ATF6: variants seen among roughly 807,000 people sequenced by gnomAD.
The protein encoded by ATF6 is cyclic AMP-dependent transcription factor ATF-6 alpha.
ATF6 carries 53 observed loss-of-function variants against 83.6 expected under a neutral mutation model. The ratio of observed to expected loss-of-function variants is 0.63; its 90% CI spans 0.51 to 0.80. The LOEUF is 0.80. Ranked by LOEUF, ATF6 falls within the 30% of genes least tolerant of loss-of-function variation. The pLI is 0.00. For synonymous variants in ATF6, 288 were observed against 285.8 expected, an observed-to-expected ratio of 1.01 and a Z score of -0.08; for missense variants, 744 against 797.9, an observed-to-expected ratio of 0.93 and a Z score of 0.81.
intron 15 of ATF6, among the ~76,000 whole-genome samples, chr1:161,931,555 A>T (rs1429273902): frequency 2.2e-5 from 3 of 137,366 alleles, no homozygotes; most frequent in Non-Finnish European, 4.9e-5. Context: ...TTTTTAGTAC[A>T]ATTTTAGAAC....
intron 6 of ATF6, among the ~76,000 whole-genome samples, chr1:161,800,943 T>C (rs1234794551): frequency 1.3e-5 from 2 of 152,236 alleles, no homozygotes; most frequent in East Asian, 3.8e-4. Context: ...ACTAGGCCCA[T>C]CACACATTTT....
chr1:161,906,069 A>G (rs1571227768), intron 14 of ATF6, among the ~76,000 whole-genome samples: 1 of 152,204 alleles, frequency 6.6e-6, no homozygotes, highest in East Asian at 1.9e-4. Context: ...TCCTGACCTC[A>G]TGATCCATCT....
rs1684642042 is a variant in ATF6, at chr1:161,781,981, A to G, written c.229A>G (p.Asn77Asp). Residue 77 changes from asparagine to aspartate, a missense_variant, in exon 3 of 16, where the codon AAC (asparagine) becomes GAC (aspartate). Coordinates refer to ENST00000367942, the MANE Select transcript of ATF6 (RefSeq NM_007348.4). ...MPWESDIWDINNQICTVKDIK... is the reference protein window; with the variant it reads ...MPWESDIWDIDNQICTVKDIK... ...TTGGGAGTCAGACATTTGGGACATC[A>G]ACAACCAAATCTGTACAGGTAATTA... The G allele has an allele frequency of 1.2e-6, 2 of 1,608,336 alleles. No homozygotes were observed. The highest frequency in any genetic ancestry group is 1.7e-6 in the Non-Finnish European group (2 of 1,176,056).
chr1:161,857,817 G>C (rs184295122), intron 12 of ATF6, among the ~76,000 whole-genome samples: 2 of 152,238 alleles, frequency 1.3e-5, no homozygotes, highest in African/African-American at 4.8e-5. Flanking sequence ...GAACACAAGG[G>C]GGGGAGGGAT....
intron 15 of ATF6, among the ~76,000 whole-genome samples, chr1:161,914,186 T>C (rs1427916136): frequency 2.0e-5 from 3 of 152,222 alleles, no homozygotes; most frequent in African/African-American, 7.2e-5. Context: ...TCAAGTACCA[T>C]GCTACATCCT....
intron 9 of ATF6, among the ~76,000 whole-genome samples, chr1:161,832,399 A>G (rs1686086819): frequency 6.6e-6 from 1 of 152,136 alleles, no homozygotes; most frequent in Admixed American, 6.5e-5. Flanking sequence ...GGAGTGCCAG[A>G]CAGTGGGTGC....
At chr1:161,788,763 A>AT (rs1194180830) in intron 4 of ATF6, among the ~76,000 whole-genome samples, 1 of 151,946 alleles carries the variant, frequency 6.6e-6, no homozygotes. Context: ...TCTAATTTTA[A>AT]TTTTCTCTAT....
intron 1 of ATF6, among the ~76,000 whole-genome samples, chr1:161,777,098 T>C (rs1315294591): frequency 6.6e-6 from 1 of 152,204 alleles, no homozygotes; most frequent in Non-Finnish European, 1.5e-5. Context: ...GAGTTTACCA[T>C]TGAATTTAGC....
intron 15 of ATF6, among the ~76,000 whole-genome samples, chr1:161,941,367 T>C (rs138196794): frequency 8.6e-4 from 131 of 152,380 alleles, no homozygotes; most frequent in African/African-American, 3.0e-3. Context: ...GGTAGCTTTG[T>C]GTGTTTGAAG....
intron 15 of ATF6, among the ~76,000 whole-genome samples, chr1:161,938,368 A>T (rs951999847): frequency 6.6e-6 from 1 of 152,234 alleles, no homozygotes; most frequent in Non-Finnish European, 1.5e-5. Context: ...TAAATGGAGT[A>T]TTGTGTGTGA....
intron 2 of ATF6, among the ~76,000 whole-genome samples, chr1:161,780,167 A>G (rs1684602118): frequency 6.6e-6 from 1 of 152,020 alleles, no homozygotes; most frequent in Non-Finnish European, 1.5e-5. Flanking sequence ...TGTTCTCTTT[A>G]TGTACCTTGT....
intron 7 of ATF6, among the ~76,000 whole-genome samples, chr1:161,814,163 C>T (rs1408398894): frequency 6.6e-6 from 1 of 152,308 alleles, no homozygotes; most frequent in Middle Eastern, 3.4e-3. Flanking sequence ...GGATTACAGG[C>T]GTGAGCCACC....
At position 161,807,865 on chromosome 1, in the gene ATF6, C is replaced by CTT. The variant is rs761462420; in HGVS notation, c.909+5624_909+5625dup. On this transcript the variant is annotated intron_variant, in intron 7 of 15. Transcript: ENST00000367942. ...CTTTTTGTACTTTTTAGTTTGTCAT[C>CTT]TTTTTTTTTTTTTTTTTTTTTTTTT... Among the ~76,000 whole-genome samples, 247 of 32,308 alleles carry CTT rather than the reference C, an allele frequency of 7.6e-3. 33 individuals carry two copies. Among genetic ancestry groups the CTT allele is most frequent in the Middle Eastern group, 0.026 (1 of 38 alleles). 21.2% of individuals were successfully genotyped at this position (32,308 alleles called of 152,430 possible).
intron 15 of ATF6, among the ~76,000 whole-genome samples, chr1:161,936,820 A>C (rs1295972994): frequency 3.3e-5 from 5 of 152,206 alleles, no homozygotes; most frequent in Non-Finnish European, 5.9e-5. Flanking sequence ...GATTCCTGTC[A>C]GTTCACACTT....
At chr1:161,952,706 A>G (rs1301656628) in intron 15 of ATF6, among the ~76,000 whole-genome samples, 4 of 152,182 alleles carry the variant, frequency 2.6e-5, no homozygotes, top group African/African-American at 9.7e-5. Flanking sequence ...CTATTGCATT[A>G]GGAGACAGTG....
intron 14 of ATF6, among the ~76,000 whole-genome samples, chr1:161,894,287 A>G (rs560603879): frequency 6.9e-6 from 1 of 145,718 alleles, no homozygotes; most frequent in Non-Finnish European, 1.5e-5. Flanking sequence ...AAGTAATTTT[A>G]GTTTTAAATT....
In ATF6 at chr1:161,939,710, G is replaced by A. The variant is rs530722374; in HGVS notation, c.1805-18736G>A. Among the ~76,000 whole-genome samples, 11 of 152,332 alleles carry A rather than the reference G, an allele frequency of 7.2e-5. No homozygotes were observed. In the East Asian group the frequency reaches 2.1e-3, roughly 29 times the overall value. On this transcript the variant is annotated intron_variant, in intron 15 of 15. Coordinates refer to ENST00000367942, the MANE Select transcript of ATF6 (RefSeq NM_007348.4). ...CTGTCAGTATTCTAACCAGCAGGAA[G>A]AAGAAGATAGGAAGTGAGAACGTAT...
intron 9 of ATF6, among the ~76,000 whole-genome samples, chr1:161,841,616 A>T (rs1037832596): frequency 6.6e-6 from 1 of 152,190 alleles, no homozygotes; most frequent in Non-Finnish European, 1.5e-5. Flanking sequence ...ATTTTGTTTC[A>T]TCATGACTCC....
At chr1:161,863,053 T>C in intron 13 of ATF6, 145 bp from the exon 14 acceptor site, 4 of 509,808 alleles carry the variant, frequency 7.8e-6, no homozygotes. Context: ...TGCAAAATAT[T>C]GTTATAAAAA....
Sources: gnomAD v4.1 joint callset for allele counts (sites outside exome capture counted in the v4.1 genomes callset) on GRCh38, gnomAD v4.1.1 for gene constraint, MANE v1.5 for transcripts, NCBI Gene and HGNC (gene_info 2026-07-23, HGNC 2026-07-21) for gene names.